The following FYB1 variants were observed in gnomAD, a reference collection of about 807,000 sequenced individuals.
The protein encoded by FYB1 is FYN-binding protein 1.
Under a neutral mutation model 94.1 loss-of-function variants are expected in FYB1, and 41 were observed. That is an observed-to-expected ratio of 0.44 (90% CI 0.34 to 0.57). The LOEUF is 0.57. Among genes scored for constraint, FYB1 ranks in the 20% least tolerant of loss-of-function variants. The probability of loss-of-function intolerance (pLI) is 0.02; values close to 1 mark genes in which losing one functional copy is unlikely to be tolerated. For missense variants in FYB1, 1,050 were observed against 976.8 expected (o/e 1.07, Z -1.00); for synonymous variants, 367 against 353.2 (o/e 1.04, Z -0.44).
chr5:39,166,408 T>C (rs72734758), intron 2 of FYB1, among the ~76,000 whole-genome samples: 33,009 of 149,952 alleles, frequency 0.22, 3,827 homozygotes, highest in African/African-American at 0.28. Context: ...TGTACTCCAG[T>C]CTGGGCAACA....
intron 2 of FYB1, among the ~76,000 whole-genome samples, chr5:39,157,488 G>C (rs1743860486): frequency 6.6e-6 from 1 of 152,028 alleles, no homozygotes; most frequent in Admixed American, 6.6e-5. Context: ...CAAGCTAGTA[G>C]GAAATAGGCT....
At chr5:39,220,503 AAAGAAAAGAC>A (rs1750196579), upstream of FYB1, among the ~76,000 whole-genome samples, 2 of 151,860 alleles carry the variant, frequency 1.3e-5, no homozygotes, top group African/African-American at 4.8e-5. Context: ...GAAAAAAAGA[AAAGAAAAGAC>A]AAGAAAAGAA....
chr5:39,240,679 G>T (rs1328002375), intron 1 of FYB1, among the ~76,000 whole-genome samples: 4 of 152,194 alleles, frequency 2.6e-5, no homozygotes, highest in African/African-American at 4.8e-5. Context: ...AACAGATGCT[G>T]GCAAGATTGA....
intron 13 of FYB1, 37 bp downstream of exon 13, chr5:39,124,216 G>A (rs777401465): frequency 1.4e-6 from 2 of 1,444,858 alleles, no homozygotes; most frequent in Non-Finnish European, 9.5e-7. Flanking sequence ...TGCAAGAAAT[G>A]AAGATACAGA....
At chr5:39,127,281 A>G (rs1319919763) in intron 11 of FYB1, among the ~76,000 whole-genome samples, 5 of 151,596 alleles carry the variant, frequency 3.3e-5, no homozygotes, top group Non-Finnish European at 7.4e-5. Context: ...TGGGTTGCCT[A>G]TATTATAATC....
chr5:39,232,458 C>T (rs1390111924), intron 1 of FYB1, among the ~76,000 whole-genome samples: 1 of 151,970 alleles, frequency 6.6e-6, no homozygotes, highest in African/African-American at 2.4e-5. Flanking sequence ...CAGCTGTCCT[C>T]TCAAATTGAA....
At chr5:39,122,008 T>TC (rs997008611) in intron 14 of FYB1, among the ~76,000 whole-genome samples, 2 of 151,964 alleles carry the variant, frequency 1.3e-5, no homozygotes, top group Non-Finnish European at 2.9e-5. Flanking sequence ...TAAACATATT[T>TC]CCCCAGTGAA....
intron 1 of FYB1, among the ~76,000 whole-genome samples, chr5:39,257,363 T>G (rs1299621325): frequency 6.6e-6 from 1 of 151,534 alleles, no homozygotes; most frequent in Non-Finnish European, 1.5e-5. Context: ...AAATACTTTT[T>G]AAAAAGTCTC....
At chr5:39,134,122 G>A in intron 9 of FYB1, 86 bp downstream of exon 9, 1 of 1,003,950 alleles carries the variant, frequency 1.0e-6, no homozygotes, top group Non-Finnish European at 1.5e-6. Context: ...TAGGAGTTAT[G>A]GAGGGTAAAA....
chr5:39,132,347 A>T (rs950978479), intron 9 of FYB1, among the ~76,000 whole-genome samples: 2 of 152,184 alleles, frequency 1.3e-5, no homozygotes, highest in African/African-American at 4.8e-5. Flanking sequence ...CTGTTATGAG[A>T]TCTCTGCCCG....
intron 2 of FYB1, among the ~76,000 whole-genome samples, chr5:39,191,051 C>T (rs963747856): frequency 6.6e-6 from 1 of 152,094 alleles, no homozygotes; most frequent in Non-Finnish European, 1.5e-5. Context: ...CTTTCTCCTC[C>T]CAATAATTGT....
At chr5:39,262,970 C>G (rs1254880270) in intron 1 of FYB1, among the ~76,000 whole-genome samples, 1 of 152,138 alleles carries the variant, frequency 6.6e-6, no homozygotes, top group East Asian at 1.9e-4. Context: ...GGACATAGAA[C>G]TGGAAAAGGG....
At chr5:39,260,933 A>G (rs774689337) in intron 1 of FYB1, among the ~76,000 whole-genome samples, 2 of 152,080 alleles carry the variant, frequency 1.3e-5, no homozygotes, top group Non-Finnish European at 2.9e-5. Context: ...ATTTCCTCCA[A>G]GCAGAAGTTT....
chr5:39,189,038 A>G (rs1747113690), intron 2 of FYB1, among the ~76,000 whole-genome samples: 1 of 152,182 alleles, frequency 6.6e-6, no homozygotes, highest in Admixed American at 6.5e-5. Context: ...TTCTGAATAT[A>G]TGACACATTC....
intron 1 of FYB1, among the ~76,000 whole-genome samples, chr5:39,214,778 A>G (rs905576038): frequency 2.6e-5 from 4 of 152,146 alleles, no homozygotes; most frequent in Non-Finnish European, 5.9e-5. Flanking sequence ...AAATACAAAA[A>G]TTAGCCAGGC....
chr5:39,127,632 A>G lies in FYB1; in HGVS notation c.1907+109T>C, dbSNP rs184331582. ...ATTAAACATTCAAATCATTTGGGGTAATGTGAGAAAGAACACTATTTTCCG... is the reference window on the plus strand; with the variant it reads ...ATTAAACATTCAAATCATTTGGGGTGATGTGAGAAAGAACACTATTTTCCG... On this transcript the variant is annotated intron_variant, in intron 11 of 18. Coordinates refer to ENST00000512982, the MANE Select transcript of FYB1 (RefSeq NM_001465.6). 7 of 1,179,130 alleles carry G rather than the reference A, an allele frequency of 5.9e-6. No homozygotes were observed. The Admixed American group carries it at 1.3e-4, about 23-fold the overall frequency. The allele number at this position is 1,179,130 out of a possible 1,614,324, so 73.0% of individuals were successfully genotyped here. A position where few individuals can be genotyped will look rare whatever the true frequency, so the allele number is the denominator to read the frequency against.
intron 1 of FYB1, among the ~76,000 whole-genome samples, chr5:39,214,377 T>C (rs1240482878): frequency 6.6e-6 from 1 of 152,212 alleles, no homozygotes; most frequent in Non-Finnish European, 1.5e-5. Flanking sequence ...GATCCAACAA[T>C]TCCACTTCTG....
intron 1 of FYB1, among the ~76,000 whole-genome samples, chr5:39,258,616 A>T (rs1752073053): frequency 6.6e-6 from 1 of 152,090 alleles, no homozygotes; most frequent in Non-Finnish European, 1.5e-5. Flanking sequence ...AAAACAAAAC[A>T]ACAATAAGAA....
intron 2 of FYB1, among the ~76,000 whole-genome samples, chr5:39,201,548 T>C (rs963137868): frequency 6.6e-6 from 1 of 152,152 alleles, no homozygotes; most frequent in Non-Finnish European, 1.5e-5. Context: ...ACAATGGTTA[T>C]CATTAAGCAA....
Sources: allele counts gnomAD v4.1 joint callset (sites outside exome capture counted in the v4.1 genomes callset), GRCh38; gene constraint gnomAD v4.1.1; transcripts MANE v1.5; gene names NCBI Gene and HGNC (gene_info 2026-07-23, HGNC 2026-07-21).